The following PEX5L variants were observed in gnomAD, a reference collection of about 807,000 sequenced individuals.
The protein encoded by PEX5L is PEX5-related protein.
Under a neutral mutation model 84.0 loss-of-function variants are expected in PEX5L, and 30 were observed. That is an observed-to-expected ratio of 0.36 (90% confidence interval 0.27 to 0.48). PEX5L has a LOEUF of 0.48. Ranked by LOEUF, PEX5L falls within the 20% of genes least tolerant of loss-of-function variation. The pLI is 0.99. For synonymous variants in PEX5L, 270 were observed against 283.1 expected, an observed-to-expected ratio of 0.95 and a Z score of 0.46; for missense variants, 533 against 754.6, an observed-to-expected ratio of 0.71 and a Z score of 3.44.
intron 4 of PEX5L, among the ~76,000 whole-genome samples, chr3:179,885,663 C>T (rs562662468): frequency 3.6e-4 from 54 of 149,812 alleles, no homozygotes; most frequent in African/African-American, 1.1e-3. Flanking sequence ...AAAAAAAAAG[C>T]GGGGGGTGGA....
rs911379187 is a variant in PEX5L at position 179,795,664 on chromosome 3, CTTG to C, written c.*6161_*6163del. On this transcript the variant is annotated 3_prime_UTR_variant, in exon 15 of 15. Transcript: ENST00000467460. Reference sequence around the variant, plus strand: ...TAAACATTTAAACTTAAATTTTTTTCTTGTTATCTATTTCAGCCTGAAAATGAA... The same window carrying C: ...TAAACATTTAAACTTAAATTTTTTTCTTATCTATTTCAGCCTGAAAATGAA... 3.3e-5 allele frequency: 5 copies of C among 151,864 alleles called. No individual in the cohort carries two copies. Among genetic ancestry groups the C allele is most frequent in the Non-Finnish European group, 5.9e-5 (4 of 67,956 alleles). 9.4% of individuals were successfully genotyped at this position (151,864 alleles called of 1,614,324 possible).
chr3:179,835,425 A>C (rs143084920), intron 8 of PEX5L, among the ~76,000 whole-genome samples: 33 of 152,188 alleles, frequency 2.2e-4, no homozygotes, highest in Non-Finnish European at 4.4e-4. Flanking sequence ...GATGTGAGAC[A>C]ATATATCAGT....
chr3:179,899,980 TC>T (rs1760752062), intron 2 of PEX5L, among the ~76,000 whole-genome samples: 1 of 152,180 alleles, frequency 6.6e-6, no homozygotes, highest in African/African-American at 2.4e-5. Context: ...CCAGGTTTCT[TC>T]TTTAATGAAG....
rs1042569078 is a variant in PEX5L at position 179,973,105 on chromosome 3, C to T, written c.22-1440G>A. ...TGCCATAAGATTTTGTCTAGAGTGTCTCTAATGTAAAACACTTAGAAGTGC... is the reference window on the plus strand; with the variant it reads ...TGCCATAAGATTTTGTCTAGAGTGTTTCTAATGTAAAACACTTAGAAGTGC... On this transcript the variant is annotated intron_variant, in intron 1 of 14. Transcript: ENST00000467460. The T allele has an allele frequency of 7.5e-6, 8 of 1,062,182 alleles. No homozygotes were observed. The Admixed American group carries it at 2.3e-4, about 31-fold the overall frequency. 65.8% of individuals were successfully genotyped at this position (1,062,182 alleles called of 1,614,324 possible). A position where few individuals can be genotyped will look rare whatever the true frequency, so the allele number is the denominator to read the frequency against.
intron 1 of PEX5L, among the ~76,000 whole-genome samples, chr3:180,016,869 G>C (rs781647619): frequency 7.2e-5 from 11 of 151,994 alleles, no homozygotes; most frequent in Non-Finnish European, 1.2e-4. Flanking sequence ...CATTTGCTTT[G>C]TCAATAAACA....
intron 2 of PEX5L, among the ~76,000 whole-genome samples, chr3:179,954,209 G>A (rs1054913826): frequency 3.7e-5 from 5 of 134,306 alleles, no homozygotes; most frequent in African/African-American, 8.3e-5. Context: ...TTAGTCGGGG[G>A]GGGGGGAAAA....
At position 179,819,968 on chromosome 3, in the gene PEX5L, T is replaced by C. The variant is rs747132486; in HGVS notation, c.831A>G (p.Thr277=). 4 of 1,612,194 alleles carry C rather than the reference T, an allele frequency of 2.5e-6. No individual in the cohort carries two copies. The highest frequency in any genetic ancestry group is 3.4e-6 in the Non-Finnish European group (4 of 1,178,414). Residue 277 remains threonine (T), a synonymous_variant, in exon 9 of 15, where the codon ACA becomes ACG. Transcript: ENST00000467460. ...ERAKAAVESD[T]EFWDKMQAEW... is the part of the protein sequence containing the mutation. ...CTGCTTGCATCTTATCCCAAAACTC[T>C]GTATCTGACTGGGAGACAGGAAAAA...
chr3:180,007,140 G>T (rs113101113), intron 1 of PEX5L, among the ~76,000 whole-genome samples: 2 of 152,024 alleles, frequency 1.3e-5, no homozygotes, highest in East Asian at 1.9e-4. Context: ...AGATACAATG[G>T]GGGTACAGGT....
At chr3:179,969,264 T>C (rs558586693) in intron 2 of PEX5L, among the ~76,000 whole-genome samples, 3 of 152,214 alleles carry the variant, frequency 2.0e-5, no homozygotes, top group East Asian at 3.9e-4. Flanking sequence ...CTATAACATA[T>C]TTCTACCATG....
chr3:179,958,882 G>A (rs955021690), intron 2 of PEX5L, among the ~76,000 whole-genome samples: 1 of 152,054 alleles, frequency 6.6e-6, no homozygotes, highest in Admixed American at 6.6e-5. Context: ...GCCACAGTGT[G>A]TACAGGATTC....
At chr3:180,009,538 G>C (rs1789233168) in intron 1 of PEX5L, among the ~76,000 whole-genome samples, 1 of 151,540 alleles carries the variant, frequency 6.6e-6, no homozygotes, top group African/African-American at 2.4e-5. Context: ...AAGTTTGTAG[G>C]AACTCAGCAT....
At position 179,832,019 on chromosome 3, in the gene PEX5L, G is replaced by A. The variant is rs1397015439; in HGVS notation, c.823-12043C>T. 2.0e-5 allele frequency among the ~76,000 whole-genome samples: 3 copies of A among 152,160 alleles called. No homozygotes were observed. In the East Asian group the frequency reaches 5.8e-4, roughly 29 times the overall value. ...TTAGAAAGATTACTCTGGTTGAAAT[G>A]AGGAGAATGGAGTACATAGGGCATT... On this transcript the variant is annotated intron_variant, in intron 8 of 14. Coordinates refer to ENST00000467460, the MANE Select transcript of PEX5L (RefSeq NM_016559.3).
rs1026251135 is a variant in PEX5L at position 179,798,043 on chromosome 3, G to T, written c.*3785C>A. The T allele has an allele frequency of 6.6e-6, 1 of 152,218 alleles. No individual in the cohort carries two copies. Among genetic ancestry groups the T allele is most frequent in the African/African-American group, 2.4e-5 (1 of 41,534 alleles). The allele number at this position is 152,218 out of a possible 1,614,324, so 9.4% of individuals were successfully genotyped here. On this transcript the variant is annotated 3_prime_UTR_variant, in exon 15 of 15. Coordinates refer to ENST00000467460, the MANE Select transcript of PEX5L (RefSeq NM_016559.3). Reference sequence around the variant, plus strand: ...TTTGGAAGCTTTTATTATAAAAGTGGGACTAGCTACAACTGTATTCAAGTC... The same window carrying T: ...TTTGGAAGCTTTTATTATAAAAGTGTGACTAGCTACAACTGTATTCAAGTC...
At chr3:179,898,286 T>A in intron 2 of PEX5L, 40 bp from the exon 3 acceptor site, 1 of 1,334,676 alleles carries the variant, frequency 7.5e-7, no homozygotes, top group Non-Finnish European at 1.1e-6. Flanking sequence ...TCAGGAGAGA[T>A]CTTTAACTTA....
At chr3:179,825,254 G>GA (rs1468147846) in intron 8 of PEX5L, among the ~76,000 whole-genome samples, 5 of 152,184 alleles carry the variant, frequency 3.3e-5, no homozygotes, top group African/African-American at 1.2e-4. Flanking sequence ...GCAGAACCAG[G>GA]ATAAATGAAA....
At chr3:179,930,487 T>C (rs73060749) in intron 2 of PEX5L, among the ~76,000 whole-genome samples, 262 of 152,310 alleles carry the variant, frequency 1.7e-3, no homozygotes, top group African/African-American at 5.8e-3. Context: ...TCAGTACAAC[T>C]GAAGTTTGTG....
intron 1 of PEX5L, 77 bp from the exon 2 acceptor site, chr3:179,971,742 G>C (rs1027505227): frequency 1.4e-6 from 2 of 1,382,984 alleles, no homozygotes; most frequent in Non-Finnish European, 1.9e-6. Flanking sequence ...TATTTTTAAA[G>C]ATAAAAGTCT....
intron 2 of PEX5L, among the ~76,000 whole-genome samples, chr3:179,966,465 A>G (rs1783367853): frequency 1.3e-5 from 2 of 152,206 alleles, no homozygotes; most frequent in African/African-American, 4.8e-5. Context: ...GCTGGTGACC[A>G]CAACAACGAC....
intron 2 of PEX5L, among the ~76,000 whole-genome samples, chr3:179,910,802 T>TC (rs1764904757): frequency 1.3e-5 from 2 of 152,228 alleles, no homozygotes; most frequent in Non-Finnish European, 2.9e-5. Context: ...AATGTATAAT[T>TC]CACCTTTCTA....
Sources: gnomAD v4.1 joint callset for allele counts (sites outside exome capture counted in the v4.1 genomes callset) on GRCh38, gnomAD v4.1.1 for gene constraint, MANE v1.5 for transcripts, NCBI Gene and HGNC (gene_info 2026-07-23, HGNC 2026-07-21) for gene names.